DLGAP1: variants seen among roughly 807,000 people sequenced by gnomAD.
DLGAP1 encodes DLG associated protein 1.
DLGAP1 carries 11 observed loss-of-function variants against 90.8 expected under a neutral mutation model. That is an observed-to-expected ratio of 0.12 (90% CI 0.08 to 0.20). The LOEUF is 0.20. DLGAP1 is among the 10% of genes least tolerant of loss of function. The pLI is 1.00. For missense variants in DLGAP1, 1,050 were observed against 1,333.8 expected (o/e 0.79, Z 3.31); for synonymous variants, 558 against 540.7 (o/e 1.03, Z -0.44).
chr18:4,171,950 T>C (rs1598538015), intron 1 of DLGAP1, among the ~76,000 whole-genome samples: 3 of 152,210 alleles, frequency 2.0e-5, no homozygotes, highest in Admixed American at 2.0e-4. Context: ...GCACAGAGCC[T>C]CCTGGATCTT....
At chr18:3,970,768 A>G (rs1322140109) in intron 3 of DLGAP1, among the ~76,000 whole-genome samples, 2 of 152,198 alleles carry the variant, frequency 1.3e-5, no homozygotes, top group Non-Finnish European at 2.9e-5. Flanking sequence ...CATTAATATT[A>G]ACATTAAAAA....
chr18:4,349,287 T>C (rs2081361036), intron 1 of DLGAP1, among the ~76,000 whole-genome samples: 1 of 152,016 alleles, frequency 6.6e-6, no homozygotes, highest in Non-Finnish European at 1.5e-5. Context: ...TGAAGGACAT[T>C]CTCCAAAACG....
intron 7 of DLGAP1, among the ~76,000 whole-genome samples, chr18:3,593,268 C>G (rs953743682): frequency 1.3e-5 from 2 of 152,230 alleles, no homozygotes; most frequent in African/African-American, 4.8e-5. Flanking sequence ...GAGTGGTCAA[C>G]AAGGGGTGCA....
At chr18:3,610,847 A>T (rs1008533414) in intron 7 of DLGAP1, among the ~76,000 whole-genome samples, 1 of 151,716 alleles carries the variant, frequency 6.6e-6, no homozygotes, top group Admixed American at 6.6e-5. Context: ...TCAAAAAAAT[A>T]AAAAAAGATG....
At position 3,600,463 on chromosome 18, in the gene DLGAP1, G is replaced by A. The variant is rs1465688789; in HGVS notation, c.1592-18215C>T. On this transcript the variant is annotated intron_variant, in intron 7 of 12. Coordinates refer to ENST00000315677, the MANE Select transcript of DLGAP1 (RefSeq NM_004746.4). ...GTTGGCCAGGCTGGTCTCGAACCCC[G>A]GACCTCAGGTGATCCACCTGCCTCG... 2.6e-5 allele frequency among the ~76,000 whole-genome samples: 4 copies of A among 151,640 alleles called. No homozygotes were observed. In the South Asian group the frequency reaches 8.3e-4, roughly 32 times the overall value.
intron 3 of DLGAP1, among the ~76,000 whole-genome samples, chr18:3,937,189 T>G (rs915431726): frequency 1.3e-4 from 20 of 152,200 alleles, no homozygotes; most frequent in Non-Finnish European, 2.6e-4. Context: ...AATTCCTGCT[T>G]GCATAACATG....
intron 6 of DLGAP1, among the ~76,000 whole-genome samples, chr18:3,732,297 T>C (rs1177803800): frequency 6.6e-6 from 1 of 152,244 alleles, no homozygotes; most frequent in African/African-American, 2.4e-5. Flanking sequence ...AGGAGGCACA[T>C]TATGTCTAGT....
chr18:4,119,877 T>G (rs1301976562), intron 2 of DLGAP1, among the ~76,000 whole-genome samples: 1 of 152,214 alleles, frequency 6.6e-6, no homozygotes, highest in Non-Finnish European at 1.5e-5. Flanking sequence ...TACATAAATA[T>G]TCTCACTGGC....
intron 7 of DLGAP1, among the ~76,000 whole-genome samples, chr18:3,665,554 T>C (rs912242254): frequency 2.0e-5 from 3 of 152,252 alleles, no homozygotes; most frequent in African/African-American, 7.2e-5. Flanking sequence ...AGTGCCCTTG[T>C]AATTTCCATT....
At chr18:3,736,401 T>C (rs2062639733) in intron 6 of DLGAP1, among the ~76,000 whole-genome samples, 2 of 152,198 alleles carry the variant, frequency 1.3e-5, no homozygotes, top group Admixed American at 1.3e-4. Flanking sequence ...TAGGGCTCTT[T>C]TACTGCTGTG....
At chr18:3,612,682 C>T (rs546761314) in intron 7 of DLGAP1, among the ~76,000 whole-genome samples, 39 of 152,256 alleles carry the variant, frequency 2.6e-4, no homozygotes, top group African/African-American at 9.1e-4. Context: ...CTTCATAGGA[C>T]CTTTGAATTA....
chr18:4,331,658 GC>G (rs1392972110), intron 1 of DLGAP1, among the ~76,000 whole-genome samples: 2 of 151,610 alleles, frequency 1.3e-5, no homozygotes, highest in Non-Finnish European at 2.9e-5. Flanking sequence ...TAGATGACTG[GC>G]GCCCTGCTTC....
intron 9 of DLGAP1, among the ~76,000 whole-genome samples, chr18:3,559,240 C>T (rs1207112217): frequency 1.3e-5 from 2 of 151,998 alleles, no homozygotes; most frequent in African/African-American, 4.8e-5. Context: ...AGAAATAACT[C>T]GAAGAACAGT....
chr18:4,430,500 GTC>G (rs1374444364), intron 1 of DLGAP1: 19 of 121,124 alleles, frequency 1.6e-4, no homozygotes, highest in Middle Eastern at 3.6e-3. Context: ...AGTCTTGTGT[GTC>G]TGTGTGTGTG....
intron 2 of DLGAP1, among the ~76,000 whole-genome samples, chr18:4,061,051 G>A (rs1244037815): frequency 2.0e-5 from 3 of 152,176 alleles, no homozygotes; most frequent in Non-Finnish European, 1.5e-5. Flanking sequence ...CTCTAGCTAT[G>A]CTGGACAGAG....
chr18:3,808,413 AC>A (rs2066670013), intron 5 of DLGAP1, among the ~76,000 whole-genome samples: 1 of 152,132 alleles, frequency 6.6e-6, no homozygotes, highest in Non-Finnish European at 1.5e-5. Flanking sequence ...ATGGGACACT[AC>A]CCTGGGTTTA....
chr18:4,286,371 C>G (rs976168299), intron 1 of DLGAP1, among the ~76,000 whole-genome samples: 2 of 152,090 alleles, frequency 1.3e-5, no homozygotes, highest in Non-Finnish European at 2.9e-5. Context: ...TTCTCTGAGC[C>G]TAGAATGTTC....
intron 1 of DLGAP1, among the ~76,000 whole-genome samples, chr18:4,258,000 TGTGTGTGTGTGC>T (rs1200616050): frequency 5.6e-5 from 8 of 143,502 alleles, no homozygotes; most frequent in African/African-American, 2.3e-4. Context: ...TGTGTGTGTG[TGTGTGTGTGTGC>T]GCGCGCGCGC....
intron 1 of DLGAP1, among the ~76,000 whole-genome samples, chr18:4,396,916 CA>C (rs2144492327): frequency 6.6e-6 from 1 of 152,200 alleles, no homozygotes; most frequent in East Asian, 1.9e-4. Context: ...ATCATTTGTA[CA>C]ATAAAATCAC....
Sources: gnomAD v4.1 joint callset for allele counts (sites outside exome capture counted in the v4.1 genomes callset) on GRCh38, gnomAD v4.1.1 for gene constraint, MANE v1.5 for transcripts, NCBI Gene and HGNC (gene_info 2026-07-23, HGNC 2026-07-21) for gene names.